The following SLC4A5 variants were observed in gnomAD, a reference collection of about 807,000 sequenced individuals.
The protein encoded by SLC4A5 is solute carrier family 4 member 5.
Under a neutral mutation model 120.4 loss-of-function variants are expected in SLC4A5, and 96 were observed. The ratio of observed to expected loss-of-function variants is 0.80; its 90% CI spans 0.68 to 0.94. The LOEUF (loss-of-function observed/expected upper bound fraction) is 0.94. SLC4A5 is among the 40% of genes least tolerant of loss of function. SLC4A5 has a pLI of 0.00. For missense variants in SLC4A5, 1,259 were observed against 1,459.5 expected (o/e 0.86, Z 2.24); for synonymous variants, 550 against 571.1 (o/e 0.96, Z 0.53).
chr2:74,304,508 C>T (rs758010161), exon 7 of SLC4A5: 1 of 1,612,786 alleles, frequency 6.2e-7, no homozygotes, highest in African/African-American at 1.3e-5. Context: ...TGATAAGATC[C>T]ATGCTGCTGT....
intron 22 of SLC4A5, 34 bp downstream of exon 22, chr2:74,235,067 G>A: frequency 6.5e-7 from 1 of 1,531,878 alleles, no homozygotes; most frequent in Non-Finnish European, 9.0e-7. Context: ...TAGGCAGGCA[G>A]ACTGGATGCC....
chr2:74,274,078 G>C (rs1182801687), intron 8 of SLC4A5, among the ~76,000 whole-genome samples: 1 of 152,224 alleles, frequency 6.6e-6, no homozygotes, highest in Non-Finnish European at 1.5e-5. Flanking sequence ...ACTATGCTAA[G>C]CACTTAACAT....
In SLC4A5 at chr2:74,303,873, G is replaced by A. The variant is rs963319307; in HGVS notation, c.271+616C>T. On this transcript the variant is annotated intron_variant, in intron 7 of 30. Coordinates refer to ENST00000394019, the Ensembl canonical transcript of SLC4A5. ...ATTATTTTTTTTTTTTTTTTGAGAC[G>A]GAGTCTCGCTCTGTCGCCCAGGCTG... 9.4e-5 allele frequency among the ~76,000 whole-genome samples: 14 copies of A among 149,182 alleles called. No individual in the cohort carries two copies. In the East Asian group the frequency reaches 9.8e-4, roughly 10 times the overall value.
chr2:74,221,300 G>C lies in SLC4A5; in HGVS notation c.*33+134C>G, dbSNP rs182946456. ...TGATGAGTCAGGTTTGTCAGCCTTTGACTCCCAGTTGGGGGCCAGCAAGGG... is the reference window on the plus strand; with the variant it reads ...TGATGAGTCAGGTTTGTCAGCCTTTCACTCCCAGTTGGGGGCCAGCAAGGG... On this transcript the variant is annotated intron_variant, in intron 30 of 30. Coordinates refer to ENST00000394019, the Ensembl canonical transcript of SLC4A5. The C allele has an allele frequency of 5.0e-6, 3 of 605,866 alleles. No individual in the cohort carries two copies. The Admixed American group carries it at 9.2e-5, about 19-fold the overall frequency. The allele number at this position is 605,866 out of a possible 1,614,324, so 37.5% of individuals were successfully genotyped here.
chr2:74,253,237 C>G, intron 14 of SLC4A5, 109 bp from the exon 15 acceptor site: 1 of 1,304,690 alleles, frequency 7.7e-7, no homozygotes, highest in Non-Finnish European at 1.1e-6. Flanking sequence ...ACATCTCCCA[C>G]TGCCAACTCA....
intron 2 of SLC4A5, among the ~76,000 whole-genome samples, chr2:74,340,027 G>A (rs141117349): frequency 9.2e-4 from 140 of 152,328 alleles, no homozygotes; most frequent in African/African-American, 3.2e-3. Flanking sequence ...GGCTACCAGG[G>A]CCTGGGGCAG....
chr2:74,253,421 C>T (rs1169124068), intron 14 of SLC4A5, among the ~76,000 whole-genome samples: 1 of 152,198 alleles, frequency 6.6e-6, no homozygotes, highest in East Asian at 1.9e-4. Context: ...TTCCACACAT[C>T]ATACATATTA....
chr2:74,235,241 A>C (rs1258881462), intron 21 of SLC4A5, 27 bp from the exon 22 acceptor site: 1 of 1,587,986 alleles, frequency 6.3e-7, no homozygotes, highest in African/African-American at 1.3e-5. Context: ...AGCAAGTAAA[A>C]GAAGTGAGTA....
chr2:74,256,999 C>G (rs1231946568), intron 12 of SLC4A5, among the ~76,000 whole-genome samples: 1 of 152,152 alleles, frequency 6.6e-6, no homozygotes, highest in Non-Finnish European at 1.5e-5. Flanking sequence ...CAGTCTTTCC[C>G]GCGGGCACAG....
rs141325542 is a variant in SLC4A5 at position 74,253,518 on chromosome 2, C to T, written c.1114-390G>A. Among the ~76,000 whole-genome samples, 400 of 152,280 alleles carry T rather than the reference C, an allele frequency of 2.6e-3. 2 individuals are homozygous for T. Among genetic ancestry groups the T allele is most frequent in the African/African-American group, 9.1e-3 (380 of 41,554 alleles). On this transcript the variant is annotated intron_variant, in intron 14 of 30. Transcript: ENST00000394019. Reference sequence around the variant, plus strand: ...AGCCCTTCGCCCTTGGAGGCTCAGGCCGTGTTCTTCACACTGTCTCCAGAG... The same window carrying T: ...AGCCCTTCGCCCTTGGAGGCTCAGGTCGTGTTCTTCACACTGTCTCCAGAG...
At chr2:74,302,262 A>C (rs1424243846) in intron 7 of SLC4A5, among the ~76,000 whole-genome samples, 1 of 152,148 alleles carries the variant, frequency 6.6e-6, no homozygotes, top group Non-Finnish European at 1.5e-5. Context: ...AGCCAGTAAC[A>C]CACACACATA....
chr2:74,338,998 A>G (rs1319367441), intron 2 of SLC4A5, 95 bp from the exon 3 acceptor site: 1 of 152,196 alleles, frequency 6.6e-6, no homozygotes, highest in Non-Finnish European at 1.5e-5. Context: ...ATACATGGGA[A>G]GGATTTTAAC....
At chr2:74,307,328 G>A (rs1005402559) in intron 6 of SLC4A5, 13 of 576,048 alleles carry the variant, frequency 2.3e-5, no homozygotes, top group East Asian at 4.0e-5. Flanking sequence ...TCAACCCAGA[G>A]CTGGTAATCT....
intron 8 of SLC4A5, among the ~76,000 whole-genome samples, chr2:74,265,832 A>C (rs1227477660): frequency 2.0e-5 from 3 of 152,192 alleles, no homozygotes; most frequent in Non-Finnish European, 2.9e-5. Flanking sequence ...CATGCCATCC[A>C]GGGAAGGAAA....
intron 18 of SLC4A5, among the ~76,000 whole-genome samples, chr2:74,247,566 C>G (rs7558047): frequency 0.64 from 97,569 of 151,544 alleles, 32,893 homozygotes; most frequent in African/African-American, 0.85. Flanking sequence ...CCAGTCTGGA[C>G]TGCAATGGCG....
At chr2:74,284,185 T>TTTTTTTA in intron 8 of SLC4A5, among the ~76,000 whole-genome samples, 1 of 69,612 alleles carries the variant, frequency 1.4e-5, no homozygotes, top group Admixed American at 1.5e-4. Context: ...TTTTTTTTTT[T>TTTTTTTA]TTGAGACGGA....
exon 15 of SLC4A5, chr2:74,252,993 C>A: frequency 6.2e-7 from 1 of 1,614,170 alleles, no homozygotes; most frequent in Non-Finnish European, 8.5e-7. Flanking sequence ...GCAGAGGGCA[C>A]CTTCTTGGGG....
chr2:74,285,493 G>A (rs1671953420), intron 8 of SLC4A5, among the ~76,000 whole-genome samples: 1 of 152,214 alleles, frequency 6.6e-6, no homozygotes, highest in East Asian at 1.9e-4. Context: ...GTGCCCTATG[G>A]ATATGGAGGG....
chr2:74,284,049 T>C (rs1335729064), intron 8 of SLC4A5, among the ~76,000 whole-genome samples: 1 of 152,080 alleles, frequency 6.6e-6, no homozygotes, highest in Non-Finnish European at 1.5e-5. Context: ...GGTCTTCCTA[T>C]GTTGTCCAGG....
Sources: gnomAD v4.1 joint callset for allele counts (sites outside exome capture counted in the v4.1 genomes callset) on GRCh38, gnomAD v4.1.1 for gene constraint, MANE v1.5 for transcripts, NCBI Gene and HGNC (gene_info 2026-07-23, HGNC 2026-07-21) for gene names.